Variants in TBC1D22A observed in about 807,000 individuals in gnomAD.
The protein encoded by TBC1D22A is TBC1 domain family member 22A, also known as putative GTPase activator.
TBC1D22A carries 38 observed loss-of-function variants against 60.2 expected under a neutral mutation model. The ratio of observed to expected loss-of-function variants is 0.63; its 90% CI spans 0.49 to 0.83. The LOEUF (loss-of-function observed/expected upper bound fraction) is 0.83. TBC1D22A is among the 40% of genes least tolerant of loss of function. The pLI is 0.00. For missense variants in TBC1D22A, 628 were observed against 701.0 expected (o/e 0.90, Z 1.18); for synonymous variants, 302 against 281.7 (o/e 1.07, Z -0.72).
At chr22:47,120,906 AG>A (rs1228596469) in intron 12 of TBC1D22A, among the ~76,000 whole-genome samples, 1 of 152,262 alleles carries the variant, frequency 6.6e-6, no homozygotes, top group Non-Finnish European at 1.5e-5. Context: ...AGTTCACTCT[AG>A]AGTGGCACGT....
At chr22:46,950,015 T>C (rs1248934187) in intron 8 of TBC1D22A, among the ~76,000 whole-genome samples, 1 of 152,200 alleles carries the variant, frequency 6.6e-6, no homozygotes, top group Non-Finnish European at 1.5e-5. Context: ...TGGGTTAACA[T>C]GGCCTTTTTT....
intron 8 of TBC1D22A, among the ~76,000 whole-genome samples, chr22:46,923,181 A>G (rs1047022898): frequency 1.3e-5 from 2 of 152,268 alleles, no homozygotes; most frequent in African/African-American, 4.8e-5. Flanking sequence ...TGAAGGAAGC[A>G]ATTAAAATAC....
At chr22:47,066,679 C>T (rs535910099) in intron 11 of TBC1D22A, among the ~76,000 whole-genome samples, 5 of 152,300 alleles carry the variant, frequency 3.3e-5, no homozygotes, top group Admixed American at 6.5e-5. Flanking sequence ...CGCAGCAGCT[C>T]GGGAGGCAGC....
chr22:46,881,385 C>A (rs1386527983), intron 5 of TBC1D22A, among the ~76,000 whole-genome samples: 2 of 152,200 alleles, frequency 1.3e-5, no homozygotes, highest in Non-Finnish European at 2.9e-5. Context: ...GAAGGCCTGC[C>A]TTTTTCTCTT....
In TBC1D22A at chr22:47,051,976, C is replaced by T. The variant is rs144418896; in HGVS notation, c.1329+14778C>T. Among the ~76,000 whole-genome samples the T allele has an allele frequency of 1.2e-3, 181 of 152,294 alleles. 1 individual carries two copies. Among genetic ancestry groups the T allele is most frequent in the Non-Finnish European group, 2.0e-3 (134 of 68,034 alleles). On this transcript the variant is annotated intron_variant, in intron 11 of 12. Transcript: ENST00000337137. ...GCACATCTCACAGTGTTTGCTTTCT[C>T]GGCCTCTGGGGAATCTGTGAGTGTG...
chr22:46,802,577 G>A (rs2084943475), intron 4 of TBC1D22A, among the ~76,000 whole-genome samples: 2 of 152,214 alleles, frequency 1.3e-5, no homozygotes, highest in South Asian at 4.1e-4. Flanking sequence ...GGTCCCCAGG[G>A]CTGAGAAGTC....
At chr22:47,049,670 A>T (rs1476322761) in intron 11 of TBC1D22A, among the ~76,000 whole-genome samples, 1 of 152,076 alleles carries the variant, frequency 6.6e-6, no homozygotes, top group Non-Finnish European at 1.5e-5. Flanking sequence ...TAGTACATAA[A>T]TTTCTCTTTG....
chr22:46,993,938 GC>G (rs1472699380), intron 9 of TBC1D22A, among the ~76,000 whole-genome samples: 1 of 152,208 alleles, frequency 6.6e-6, no homozygotes, highest in East Asian at 1.9e-4. Flanking sequence ...TTGGCGCCTC[GC>G]CCTCGGGGGG....
intron 10 of TBC1D22A, among the ~76,000 whole-genome samples, chr22:47,030,147 T>G (rs186660976): frequency 6.6e-5 from 10 of 152,338 alleles, no homozygotes; most frequent in African/African-American, 2.2e-4. Flanking sequence ...TTTAACTGAT[T>G]AGAGAATTGA....
chr22:47,039,639 G>T (rs935013745), intron 11 of TBC1D22A, among the ~76,000 whole-genome samples: 1 of 144,770 alleles, frequency 6.9e-6, no homozygotes, highest in Non-Finnish European at 1.5e-5. Flanking sequence ...AGATAGCCCA[G>T]ATGGAAGAGA....
chr22:46,901,212 A>G (rs1233891707), intron 7 of TBC1D22A, among the ~76,000 whole-genome samples: 1 of 152,336 alleles, frequency 6.6e-6, no homozygotes, highest in East Asian at 1.9e-4. Flanking sequence ...CTGCAGGATT[A>G]AGTTTGCTAA....
intron 12 of TBC1D22A, among the ~76,000 whole-genome samples, chr22:47,172,940 C>A (rs1166952170): frequency 2.0e-5 from 3 of 152,370 alleles, no homozygotes; most frequent in East Asian, 1.9e-4. Flanking sequence ...GCTTCATCTG[C>A]TGATGGTGCT....
At chr22:47,093,462 G>A (rs1247223149) in intron 11 of TBC1D22A, among the ~76,000 whole-genome samples, 11 of 152,168 alleles carry the variant, frequency 7.2e-5, no homozygotes, top group African/African-American at 1.9e-4. Context: ...GAGAGAGCAG[G>A]TTGGGGGAGG....
At chr22:46,793,072 T>A (rs2084490751) in intron 2 of TBC1D22A, among the ~76,000 whole-genome samples, 1 of 152,266 alleles carries the variant, frequency 6.6e-6, no homozygotes, top group African/African-American at 2.4e-5. Flanking sequence ...TGTGTTGTCC[T>A]ATTTTGGGGG....
At chr22:47,136,090 C>T (rs1450556152) in intron 12 of TBC1D22A, among the ~76,000 whole-genome samples, 4 of 152,200 alleles carry the variant, frequency 2.6e-5, no homozygotes, top group South Asian at 2.1e-4. Flanking sequence ...ACCTCACGTA[C>T]GGAGGGAAGT....
At chr22:46,767,275 C>T (rs1382904415) in intron 1 of TBC1D22A, among the ~76,000 whole-genome samples, 1 of 152,196 alleles carries the variant, frequency 6.6e-6, no homozygotes, top group Non-Finnish European at 1.5e-5. Context: ...TAGTGGTCTT[C>T]ACCAAGTTAC....
intron 12 of TBC1D22A, chr22:47,117,126 T>C (rs2066093140): frequency 6.5e-6 from 1 of 154,342 alleles, no homozygotes; most frequent in African/African-American, 2.4e-5. Flanking sequence ...TGCTCTGCAA[T>C]GTGAAGTGAT....
At chr22:47,001,761 G>C (rs1413264524) in intron 10 of TBC1D22A, among the ~76,000 whole-genome samples, 3 of 152,072 alleles carry the variant, frequency 2.0e-5, no homozygotes, top group Non-Finnish European at 2.9e-5. Flanking sequence ...TTTTTCTTCA[G>C]GAAGAATAAT....
chr22:47,091,468 C>T (rs1361016118), intron 11 of TBC1D22A, among the ~76,000 whole-genome samples: 1 of 142,024 alleles, frequency 7.0e-6, no homozygotes, highest in East Asian at 2.1e-4. Context: ...CACGAGAAGT[C>T]GTCTTTGCTG....
Sources: allele counts gnomAD v4.1 joint callset (sites outside exome capture counted in the v4.1 genomes callset), GRCh38; gene constraint gnomAD v4.1.1; transcripts MANE v1.5; gene names NCBI Gene and HGNC (gene_info 2026-07-23, HGNC 2026-07-21).